The following CAMSAP1 variants were observed in gnomAD, a reference collection of about 807,000 sequenced individuals.
CAMSAP1 encodes the protein calmodulin regulated spectrin associated protein 1.
In CAMSAP1, 58 loss-of-function variants were observed where a neutral mutation model predicts 143.5. That is an observed-to-expected ratio of 0.40 (90% CI 0.33 to 0.50). The LOEUF is 0.50. Ranked by LOEUF, CAMSAP1 falls within the 20% of genes least tolerant of loss-of-function variation. The pLI, the probability that CAMSAP1 is intolerant of heterozygous loss-of-function variation, is 0.45. For missense variants in CAMSAP1, 1,969 were observed against 2,115.7 expected (o/e 0.93, Z 1.36); for synonymous variants, 945 against 859.3 (o/e 1.10, Z -1.74).
At chr9:135,862,411 T>A in intron 5 of CAMSAP1, 56 bp downstream of exon 5, 1 of 1,518,170 alleles carries the variant, frequency 6.6e-7, no homozygotes, top group Non-Finnish European at 8.9e-7. Flanking sequence ...CAATGTACAC[T>A]ATAATTTTCC....
intron 3 of CAMSAP1, among the ~76,000 whole-genome samples, chr9:135,877,734 C>G (rs183292946): frequency 6.6e-6 from 1 of 152,122 alleles, no homozygotes; most frequent in Admixed American, 6.5e-5. Context: ...ATTGCTTGAG[C>G]CTGGGAGGTC....
In CAMSAP1 at chr9:135,888,888, T is replaced by C. The variant is rs572896031; in HGVS notation, c.161-5810A>G. Among the ~76,000 whole-genome samples, 9 of 152,270 alleles carry C rather than the reference T, an allele frequency of 5.9e-5. No individual in the cohort carries two copies. In the East Asian group the frequency reaches 1.7e-3, roughly 29 times the overall value. ...GGGACAACCAGTAACAAACTGCACC[T>C]TGACAGCGGAGCGCCAGGTGCACAG... On this transcript the variant is annotated intron_variant, in intron 1 of 16. Coordinates refer to ENST00000389532, the MANE Select transcript of CAMSAP1 (RefSeq NM_015447.4).
chr9:135,815,811 G>C, intron 15 of CAMSAP1, 79 bp downstream of exon 15: 2 of 1,157,952 alleles, frequency 1.7e-6, no homozygotes, highest in Non-Finnish European at 2.5e-6. Context: ...GACCAAAATA[G>C]AGAACAGATA....
chr9:135,884,968 GT>G (rs1439359345), intron 1 of CAMSAP1, among the ~76,000 whole-genome samples: 5 of 152,174 alleles, frequency 3.3e-5, no homozygotes, highest in Non-Finnish European at 7.3e-5. Context: ...ACCTGAAAAC[GT>G]TTGCAGCAGT....
chr9:135,878,896 C>T (rs1011240811), intron 3 of CAMSAP1, among the ~76,000 whole-genome samples: 2 of 152,034 alleles, frequency 1.3e-5, no homozygotes, highest in African/African-American at 2.4e-5. Context: ...ATATGGAAAA[C>T]ACTGAATACA....
At chr9:135,858,700 G>A (rs891206652) in intron 5 of CAMSAP1, among the ~76,000 whole-genome samples, 2 of 152,242 alleles carry the variant, frequency 1.3e-5, no homozygotes, top group Non-Finnish European at 2.9e-5. Flanking sequence ...TGAATCAGAG[G>A]TGGCAGCATG....
rs1383123979 is a variant in CAMSAP1, at chr9:135,838,146, CAG to C, written c.1046-10564_1046-10563del. 2.0e-5 allele frequency among the ~76,000 whole-genome samples: 3 copies of C among 148,724 alleles called. No homozygotes were observed. The East Asian group carries it at 6.1e-4, about 30-fold the overall frequency. ...CATCACACACTTTCTACCCGTTCTA[CAG>C]ACACACGTCATCACGCACTTTCCAC... On this transcript the variant is annotated intron_variant, in intron 7 of 16. Coordinates refer to ENST00000389532, the MANE Select transcript of CAMSAP1 (RefSeq NM_015447.4).
intron 3 of CAMSAP1, among the ~76,000 whole-genome samples, chr9:135,874,289 G>A (rs1171368037): frequency 6.6e-6 from 1 of 152,122 alleles, no homozygotes; most frequent in Non-Finnish European, 1.5e-5. Flanking sequence ...CCTGGGCAAC[G>A]TGGCAAAATC....
In CAMSAP1 at chr9:135,819,237, CT is replaced by C. The variant is rs546292357; in HGVS notation, c.3823-92del. On this transcript the variant is annotated intron_variant, in intron 11 of 16. Coordinates refer to ENST00000389532, the MANE Select transcript of CAMSAP1 (RefSeq NM_015447.4). ...GACCCAGCAGCCGACTTCCACTACGCTTTTAAAAGTTTAACGCATAAAGACT... is the reference window on the plus strand; with the variant it reads ...GACCCAGCAGCCGACTTCCACTACGCTTTAAAAGTTTAACGCATAAAGACT... 458 of 1,449,560 alleles carry C rather than the reference CT, an allele frequency of 3.2e-4. 1 individual carries two copies. The African/African-American group carries it at 4.6e-3, about 14-fold the overall frequency. 89.8% of individuals were successfully genotyped at this position (1,449,560 alleles called of 1,614,324 possible).
rs776310083 is a variant in CAMSAP1, at chr9:135,808,858, A to G, written c.*2451T>C. On this transcript the variant is annotated 3_prime_UTR_variant, in exon 17 of 17. Transcript: ENST00000389532. ...TTCTAGCATTACCAAGGATTTACAC[A>G]TAAACTTCATCATACATTGAATCAT... is the stretch of plus-strand genomic sequence containing the variant. The G allele has an allele frequency of 3.9e-5, 6 of 152,256 alleles. No homozygotes were observed. Among genetic ancestry groups the G allele is most frequent in the Admixed American group, 6.5e-5 (1 of 15,290 alleles). The allele number at this position is 152,256 out of a possible 1,614,324, so 9.4% of individuals were successfully genotyped here. A position where few individuals can be genotyped will look rare whatever the true frequency, so the allele number is the denominator to read the frequency against.
chr9:135,817,926 C>CCCT, intron 14 of CAMSAP1, 51 bp downstream of exon 14: 1 of 1,471,782 alleles, frequency 6.8e-7, no homozygotes, highest in Non-Finnish European at 9.5e-7. Context: ...CCCACCCTGC[C>CCCT]CCTCCGAACG....
chr9:135,870,166 C>T (rs1160506936), intron 3 of CAMSAP1, among the ~76,000 whole-genome samples: 1 of 152,194 alleles, frequency 6.6e-6, no homozygotes, highest in East Asian at 1.9e-4. Flanking sequence ...CTCTAATCCC[C>T]ATAATTCCCA....
At chr9:135,877,689 G>A (rs1054746300) in intron 3 of CAMSAP1, among the ~76,000 whole-genome samples, 3 of 151,990 alleles carry the variant, frequency 2.0e-5, no homozygotes, top group African/African-American at 7.3e-5. Context: ...GTGCATGCCT[G>A]TAGTCCCAGC....
At chr9:135,867,493 A>T (rs868845420) in intron 3 of CAMSAP1, among the ~76,000 whole-genome samples, 7 of 112,786 alleles carry the variant, frequency 6.2e-5, no homozygotes, top group South Asian at 2.9e-4. Context: ...TTTTTTTAAA[A>T]AAAAAGTCTG....
chr9:135,865,254 G>T, intron 4 of CAMSAP1: 2 of 1,391,058 alleles, frequency 1.4e-6, no homozygotes, highest in Non-Finnish European at 2.0e-6. Context: ...TTTTGGGTGC[G>T]AGCAGTTTTT....
intron 1 of CAMSAP1, among the ~76,000 whole-genome samples, chr9:135,899,342 A>T (rs2131024718): frequency 6.6e-6 from 1 of 151,812 alleles, no homozygotes; most frequent in South Asian, 2.1e-4. Flanking sequence ...TAATCCCAGA[A>T]CTTTGGGAGG....
chr9:135,825,539 C>T (rs1432587674), intron 8 of CAMSAP1, among the ~76,000 whole-genome samples: 2 of 152,158 alleles, frequency 1.3e-5, no homozygotes, highest in African/African-American at 2.4e-5. Flanking sequence ...GCCTCACTCC[C>T]GGGAAGAACG....
intron 5 of CAMSAP1, among the ~76,000 whole-genome samples, chr9:135,861,330 C>T (rs998206654): frequency 1.3e-5 from 2 of 150,356 alleles, no homozygotes; most frequent in Admixed American, 6.6e-5. Context: ...TTTTTCCCCC[C>T]GAGACAGAGT....
intron 3 of CAMSAP1, among the ~76,000 whole-genome samples, chr9:135,880,735 G>A (rs1421747078): frequency 6.6e-6 from 1 of 152,146 alleles, no homozygotes; most frequent in Non-Finnish European, 1.5e-5. Context: ...CGCTAATACA[G>A]CCTCACATGG....
Sources: gnomAD v4.1 joint callset for allele counts (sites outside exome capture counted in the v4.1 genomes callset) on GRCh38, gnomAD v4.1.1 for gene constraint, MANE v1.5 for transcripts, NCBI Gene and HGNC (gene_info 2026-07-23, HGNC 2026-07-21) for gene names.